The following MCTP1 variants were observed in gnomAD, a reference collection of about 807,000 sequenced individuals.
MCTP1 encodes the protein multiple C2 and transmembrane domain-containing protein 1.
MCTP1 carries 69 observed loss-of-function variants against 120.6 expected under a neutral mutation model. That is an observed-to-expected ratio of 0.57 (90% CI 0.47 to 0.70). The LOEUF is 0.70. MCTP1 is among the 30% of genes least tolerant of loss of function. The pLI, the probability that MCTP1 is intolerant of heterozygous loss-of-function variation, is 0.00. For missense variants in MCTP1, 1,203 were observed against 1,248.8 expected, an observed-to-expected ratio of 0.96 and a Z score of 0.55; for synonymous variants, 529 against 493.1, an observed-to-expected ratio of 1.07 and a Z score of -0.96.
At chr5:94,944,215 A>G (rs1368788936) in intron 3 of MCTP1, among the ~76,000 whole-genome samples, 2 of 152,150 alleles carry the variant, frequency 1.3e-5, no homozygotes, top group African/African-American at 4.8e-5. Context: ...AATGCCTTTT[A>G]AATTATTCAA....
Position 94,925,885 on chromosome 5 carries a change from CTTAT to C in MCTP1, c.1213-1868_1213-1865del, listed in dbSNP as rs911463091. Among the ~76,000 whole-genome samples the C allele has an allele frequency of 7.0e-4, 107 of 152,236 alleles. 1 individual carries two copies. Among genetic ancestry groups the C allele is most frequent in the African/African-American group, 2.2e-3 (93 of 41,554 alleles). On this transcript the variant is annotated intron_variant, in intron 6 of 22. Coordinates refer to ENST00000515393, the MANE Select transcript of MCTP1 (RefSeq NM_024717.7). The stretch of plus-strand genomic sequence containing the variant: ...GAGTAGTAAGATGCATTGGGAATAT[CTTAT>C]TTGTTTCTATTTTTGCCTCTAAAAA...
At chr5:94,831,406 T>C (rs922561335) in intron 17 of MCTP1, among the ~76,000 whole-genome samples, 1 of 152,232 alleles carries the variant, frequency 6.6e-6, no homozygotes, top group African/African-American at 2.4e-5. Flanking sequence ...TTGCAACAAA[T>C]TATAAAACAC....
intron 19 of MCTP1, among the ~76,000 whole-genome samples, chr5:94,719,562 C>T (rs777566421): frequency 6.6e-6 from 1 of 152,124 alleles, no homozygotes; most frequent in African/African-American, 2.4e-5. Context: ...CAAACTAATG[C>T]AGGAACAGAA....
At chr5:94,888,078 G>A (rs1384593588) in intron 12 of MCTP1, among the ~76,000 whole-genome samples, 1 of 152,130 alleles carries the variant, frequency 6.6e-6, no homozygotes, top group Non-Finnish European at 1.5e-5. Context: ...TGCACAAATG[G>A]TCAAGCCAGT....
At chr5:95,221,487 C>T (rs1051049359) in intron 1 of MCTP1, among the ~76,000 whole-genome samples, 30 of 152,156 alleles carry the variant, frequency 2.0e-4, no homozygotes, top group African/African-American at 7.2e-4. Context: ...TTGTCCTCTA[C>T]TTCCCATGGT....
At chr5:94,875,393 G>A (rs938997472) in intron 12 of MCTP1, among the ~76,000 whole-genome samples, 1 of 152,062 alleles carries the variant, frequency 6.6e-6, no homozygotes, top group Non-Finnish European at 1.5e-5. Flanking sequence ...ACAGGTGGGG[G>A]GTTGGAGGGG....
rs190939666 is a variant in MCTP1, at chr5:95,171,431, G to C, written c.720+112425C>G. Among the ~76,000 whole-genome samples, 469 of 152,194 alleles carry C rather than the reference G, an allele frequency of 3.1e-3. 1 individual carries two copies. The highest frequency in any genetic ancestry group is 0.011 in the African/African-American group (452 of 41,524). On this transcript the variant is annotated intron_variant, in intron 1 of 22. Coordinates refer to ENST00000515393, the MANE Select transcript of MCTP1 (RefSeq NM_024717.7). ...AAGGAGTATCTTTGTGGTGTTTTCT[G>C]TATTTCCTGAATTTGAATGTTGGCC...
At chr5:94,759,776 T>C (rs750581598) in intron 19 of MCTP1, among the ~76,000 whole-genome samples, 3 of 152,148 alleles carry the variant, frequency 2.0e-5, no homozygotes, top group Non-Finnish European at 4.4e-5. Context: ...GAAAGTTATT[T>C]TCACATAAGT....
intron 10 of MCTP1, among the ~76,000 whole-genome samples, chr5:94,900,592 G>T (rs1388013862): frequency 6.6e-6 from 1 of 152,124 alleles, no homozygotes; most frequent in Non-Finnish European, 1.5e-5. Flanking sequence ...TATGTCTCAG[G>T]TCCTTTTAGA....
intron 1 of MCTP1, among the ~76,000 whole-genome samples, chr5:95,148,084 G>A (rs1192732811): frequency 6.6e-6 from 1 of 152,164 alleles, no homozygotes; most frequent in Admixed American, 6.5e-5. Context: ...GCCTATTGGG[G>A]TTCCTTTTGT....
chr5:95,174,617 T>C (rs1050340200), intron 1 of MCTP1, among the ~76,000 whole-genome samples: 5 of 152,158 alleles, frequency 3.3e-5, no homozygotes, highest in African/African-American at 1.2e-4. Context: ...TGTGTGACCT[T>C]TGGCAAACTA....
At chr5:95,126,007 CT>C (rs1409695831) in intron 1 of MCTP1, among the ~76,000 whole-genome samples, 1 of 152,128 alleles carries the variant, frequency 6.6e-6, no homozygotes, top group Non-Finnish European at 1.5e-5. Flanking sequence ...TCTTTCGTGC[CT>C]CTTTGTTTTT....
chr5:95,115,531 A>T (rs1757762042), intron 1 of MCTP1, among the ~76,000 whole-genome samples: 1 of 152,036 alleles, frequency 6.6e-6, no homozygotes, highest in Admixed American at 6.6e-5. Context: ...AGAATTGATC[A>T]AGCAGAAGAA....
At chr5:94,862,307 C>T (rs759208416) in intron 17 of MCTP1, among the ~76,000 whole-genome samples, 2 of 151,652 alleles carry the variant, frequency 1.3e-5, no homozygotes, top group Non-Finnish European at 2.9e-5. Flanking sequence ...AGGAGAAATA[C>T]GCCTTTCAGA....
intron 1 of MCTP1, among the ~76,000 whole-genome samples, chr5:95,101,899 T>A (rs1756760036): frequency 6.6e-6 from 1 of 152,206 alleles, no homozygotes; most frequent in Non-Finnish European, 1.5e-5. Flanking sequence ...AACATAGCTG[T>A]TCTTTGCAAC....
intron 3 of MCTP1, among the ~76,000 whole-genome samples, chr5:94,943,290 T>G (rs536490953): frequency 6.6e-6 from 1 of 152,192 alleles, no homozygotes; most frequent in African/African-American, 2.4e-5. Flanking sequence ...GGAGTACGCA[T>G]GCTAGCAAGA....
intron 17 of MCTP1, among the ~76,000 whole-genome samples, chr5:94,802,379 A>G (rs990228085): frequency 3.3e-5 from 5 of 152,230 alleles, no homozygotes; most frequent in Admixed American, 1.3e-4. Flanking sequence ...AGAACAGCCA[A>G]TCATTTATTC....
intron 13 of MCTP1, among the ~76,000 whole-genome samples, chr5:94,872,281 A>G (rs910412302): frequency 1.3e-5 from 2 of 152,212 alleles, no homozygotes; most frequent in Middle Eastern, 3.4e-3. Context: ...TCAGTTACGC[A>G]TTCTGGAGAA....
chr5:95,039,212 T>C (rs184045594), intron 1 of MCTP1, among the ~76,000 whole-genome samples: 3 of 152,322 alleles, frequency 2.0e-5, no homozygotes, highest in African/African-American at 7.2e-5. Context: ...GATAAGAACC[T>C]AAATTTGATT....
Sources: gnomAD v4.1 joint callset for allele counts (sites outside exome capture counted in the v4.1 genomes callset) on GRCh38, gnomAD v4.1.1 for gene constraint, MANE v1.5 for transcripts, NCBI Gene and HGNC (gene_info 2026-07-23, HGNC 2026-07-21) for gene names.